SPTLC2: variants seen among roughly 807,000 people sequenced by gnomAD.
The protein encoded by SPTLC2 is serine palmitoyltransferase long chain base subunit 2, also known as serine palmitoyltransferase 2.
Under a neutral mutation model 62.0 loss-of-function variants are expected in SPTLC2, and 21 were observed. The observed-to-expected ratio is 0.34, with a 90% confidence interval of 0.24 to 0.49. The LOEUF is 0.49. SPTLC2 is among the 20% of genes least tolerant of loss of function. The pLI is 0.99. For synonymous variants in SPTLC2, 261 were observed against 261.8 expected (o/e 1.00, Z 0.03); for missense variants, 511 against 713.0 (o/e 0.72, Z 3.23).
chr14:77,536,301 C>G (rs1160294010), intron 9 of SPTLC2, among the ~76,000 whole-genome samples: 1 of 151,498 alleles, frequency 6.6e-6, no homozygotes, highest in East Asian at 1.9e-4. Context: ...ATATTTACCA[C>G]AATAAAAAAG....
At chr14:77,552,485 T>A (rs192864653) in intron 8 of SPTLC2, among the ~76,000 whole-genome samples, 1 of 152,238 alleles carries the variant, frequency 6.6e-6, no homozygotes, top group Non-Finnish European at 1.5e-5. Context: ...AAACAACCCC[T>A]CTAAATTTGG....
chr14:77,570,265 T>C (rs2079673441), intron 5 of SPTLC2, 119 bp downstream of exon 5: 22 of 1,194,116 alleles, frequency 1.8e-5, no homozygotes, highest in Non-Finnish European at 2.6e-5. Context: ...GGTAGAAATA[T>C]CTTTGGCTAA....
At chr14:77,598,942 C>T (rs911087474) in intron 1 of SPTLC2, among the ~76,000 whole-genome samples, 2 of 151,392 alleles carry the variant, frequency 1.3e-5, no homozygotes, top group African/African-American at 2.4e-5. Flanking sequence ...AAAAGTGTGG[C>T]CCAGCATTAT....
intron 9 of SPTLC2, among the ~76,000 whole-genome samples, chr14:77,540,288 C>A (rs764726282): frequency 6.6e-5 from 10 of 150,934 alleles, no homozygotes; most frequent in Non-Finnish European, 1.5e-4. Context: ...GAATAATATG[C>A]CTTAAAAGGC....
At position 77,507,285 on chromosome 14, in the gene SPTLC2, T is replaced by G. The variant is rs1011248771; in HGVS notation, c.*4999A>C. 17 of 151,758 alleles carry G rather than the reference T, an allele frequency of 1.1e-4. No homozygotes were observed. Among genetic ancestry groups the G allele is most frequent in the African/African-American group, 4.1e-4 (17 of 41,296 alleles). The allele number at this position is 151,758 out of a possible 1,614,324, so 9.4% of individuals were successfully genotyped here. A position where few individuals can be genotyped will look rare whatever the true frequency, so the allele number is the denominator to read the frequency against. On this transcript the variant is annotated 3_prime_UTR_variant, in exon 12 of 12. Coordinates refer to ENST00000216484, the MANE Select transcript of SPTLC2 (RefSeq NM_004863.4). The stretch of plus-strand genomic sequence containing the variant: ...TGATAGGGAAGCCAGCCCTCTAATT[T>G]GGCTCTCTGGCTGGGCACATGGCAA...
intron 10 of SPTLC2, 39 bp downstream of exon 10, chr14:77,521,407 A>G (rs1298945735): frequency 6.2e-7 from 1 of 1,613,860 alleles, no homozygotes; most frequent in Non-Finnish European, 8.5e-7. Flanking sequence ...ACAGATAAGG[A>G]TAAGGACAGA....
intron 2 of SPTLC2, among the ~76,000 whole-genome samples, chr14:77,588,297 T>C (rs925817556): frequency 7.2e-5 from 11 of 152,204 alleles, no homozygotes; most frequent in African/African-American, 2.7e-4. Context: ...TAGAAGTAAC[T>C]GAAACATGAC....
chr14:77,581,191 A>C (rs2079748188), intron 2 of SPTLC2, among the ~76,000 whole-genome samples: 1 of 152,208 alleles, frequency 6.6e-6, no homozygotes, highest in Admixed American at 6.5e-5. Flanking sequence ...CTGTTAACTA[A>C]ATCAGTCAAA....
chr14:77,544,730 T>C (rs960505868), intron 9 of SPTLC2, among the ~76,000 whole-genome samples: 14 of 152,326 alleles, frequency 9.2e-5, no homozygotes, highest in Non-Finnish European at 1.6e-4. Context: ...TGGAGTCCTT[T>C]CTGATAAAGT....
chr14:77,616,335 C>A, intron 1 of SPTLC2, 113 bp downstream of exon 1: 2 of 607,526 alleles, frequency 3.3e-6, no homozygotes, highest in Non-Finnish European at 4.6e-6. Context: ...CACCTGCGAA[C>A]GGCGCCCGCC....
chr14:77,577,009 A>G, intron 3 of SPTLC2, 94 bp from the exon 4 acceptor site: 1 of 1,423,424 alleles, frequency 7.0e-7, no homozygotes, highest in South Asian at 1.2e-5. Context: ...GGAAGCAGAG[A>G]GAACAAAGTC....
At position 77,511,215 on chromosome 14, in the gene SPTLC2, C is replaced by CTAA. The variant is rs1472212401; in HGVS notation, c.*1066_*1068dup. The CTAA allele has an allele frequency of 4.6e-5, 7 of 152,156 alleles. No individual in the cohort carries two copies. The highest frequency in any genetic ancestry group is 4.6e-4 in the Admixed American group (7 of 15,268). The allele number at this position is 152,156 out of a possible 1,614,324, so 9.4% of individuals were successfully genotyped here. On this transcript the variant is annotated 3_prime_UTR_variant, in exon 12 of 12. Transcript: ENST00000216484. ...TTCTAAGAGGCCTAAATTAATAAACCTAATCCTTAAATAGGAACATGATAA... is the reference window on the plus strand; with the variant it reads ...TTCTAAGAGGCCTAAATTAATAAACCTAATAATCCTTAAATAGGAACATGATAA...
At chr14:77,579,232 G>T (rs372033813) in intron 2 of SPTLC2, 123 bp from the exon 3 acceptor site, 2 of 949,856 alleles carry the variant, frequency 2.1e-6, no homozygotes, top group Non-Finnish European at 3.3e-6. Context: ...TTCATTACGT[G>T]CAAGATTGTG....
At chr14:77,521,223 C>A (rs924122851) in intron 10 of SPTLC2, among the ~76,000 whole-genome samples, 39 of 152,162 alleles carry the variant, frequency 2.6e-4, no homozygotes, top group African/African-American at 9.2e-4. Flanking sequence ...TGATCTATCC[C>A]AGGCCCCTAG....
At chr14:77,527,709 CT>C (rs1364013272) in intron 9 of SPTLC2, among the ~76,000 whole-genome samples, 10 of 149,642 alleles carry the variant, frequency 6.7e-5, no homozygotes, top group African/African-American at 2.5e-4. Flanking sequence ...AGACAGTGTT[CT>C]ATAAATTTTC....
chr14:77,534,161 C>T (rs1218811339), intron 9 of SPTLC2, among the ~76,000 whole-genome samples: 2 of 112,756 alleles, frequency 1.8e-5, no homozygotes, highest in African/African-American at 6.8e-5. Context: ...CTGTCTCTCT[C>T]TCTTTCTCTC....
chr14:77,512,091 G>A lies in SPTLC2; in HGVS notation c.*193C>T, dbSNP rs2079335033. 6 of 692,056 alleles carry A rather than the reference G, an allele frequency of 8.7e-6. No individual in the cohort carries two copies. In the South Asian group the frequency reaches 1.1e-4, roughly 13 times the overall value. 42.9% of individuals were successfully genotyped at this position (692,056 alleles called of 1,614,324 possible). A position where few individuals can be genotyped will look rare whatever the true frequency, so the allele number is the denominator to read the frequency against. Reference sequence around the variant, plus strand: ...CCTTCGTTTTTAAAGGTGAGATTTAGCAAAGGAAGGATTAGAAGCAGTTTT... The same window carrying A: ...CCTTCGTTTTTAAAGGTGAGATTTAACAAAGGAAGGATTAGAAGCAGTTTT... On this transcript the variant is annotated 3_prime_UTR_variant, in exon 12 of 12. Coordinates refer to ENST00000216484, the MANE Select transcript of SPTLC2 (RefSeq NM_004863.4).
chr14:77,545,706 G>GT (rs34614143), intron 9 of SPTLC2, among the ~76,000 whole-genome samples: 1 of 93,952 alleles, frequency 1.1e-5, no homozygotes, highest in Admixed American at 1.0e-4. Flanking sequence ...ACATAATTCT[G>GT]GGGGGAGAAA....
chr14:77,580,893 CA>C (rs747744847), intron 2 of SPTLC2, among the ~76,000 whole-genome samples: 11 of 152,146 alleles, frequency 7.2e-5, no homozygotes, highest in Admixed American at 2.0e-4. Context: ...AATACATTCC[CA>C]AAATGAATTC....
Sources: allele counts gnomAD v4.1 joint callset (sites outside exome capture counted in the v4.1 genomes callset), GRCh38; gene constraint gnomAD v4.1.1; transcripts MANE v1.5; gene names NCBI Gene and HGNC (gene_info 2026-07-23, HGNC 2026-07-21).